GLIS3: variants seen among roughly 807,000 people sequenced by gnomAD.
GLIS3 encodes zinc finger protein GLIS3.
GLIS3 carries 53 observed loss-of-function variants against 78.6 expected under a neutral mutation model. The ratio of observed to expected loss-of-function variants is 0.67; its 90% CI spans 0.54 to 0.85. The LOEUF is 0.85. Ranked by LOEUF, GLIS3 falls within the 40% of genes least tolerant of loss-of-function variation. The pLI is 0.00. For missense variants in GLIS3, 1,703 were observed against 1,231.1 expected (o/e 1.38, Z -5.74); for synonymous variants, 684 against 509.9 (o/e 1.34, Z -4.60).
Position 3,827,463 on chromosome 9 carries a change from C to G in GLIS3, c.*809G>C, listed in dbSNP as rs911275620. ...CAGGACTGTTGGTGCGGGAGGTGCCCACTCCATTTCCCTCAGGTAACCTTT... is the reference window on the plus strand; with the variant it reads ...CAGGACTGTTGGTGCGGGAGGTGCCGACTCCATTTCCCTCAGGTAACCTTT... On this transcript the variant is annotated 3_prime_UTR_variant, in exon 11 of 11. Transcript: ENST00000381971. 1 of 152,340 alleles carries G rather than the reference C, an allele frequency of 6.6e-6. No homozygotes were observed. The highest frequency in any genetic ancestry group is 1.5e-5 in the Non-Finnish European group (1 of 68,190). The allele number at this position is 152,340 out of a possible 1,614,324, so 9.4% of individuals were successfully genotyped here. A position where few individuals can be genotyped will look rare whatever the true frequency, so the allele number is the denominator to read the frequency against.
chr9:4,448,072 T>C, the GLIS3 span, among the ~76,000 whole-genome samples: 13 of 152,184 alleles, frequency 8.5e-5, no homozygotes, highest in African/African-American at 2.9e-4. Flanking sequence ...TGTACTCTGA[T>C]AGAGCCCAGC....
chr9:4,174,473 A>T (rs1816648011), intron 2 of GLIS3, among the ~76,000 whole-genome samples: 1 of 152,258 alleles, frequency 6.6e-6, no homozygotes, highest in Non-Finnish European at 1.5e-5. Context: ...TACATAGGGT[A>T]CAAATACCAC....
rs530534757 is a variant in GLIS3, at chr9:3,933,302, A to G, written c.1873-832T>C. Among the ~76,000 whole-genome samples, 79 of 152,272 alleles carry G rather than the reference A, an allele frequency of 5.2e-4. 2 individuals carry two copies. Among genetic ancestry groups the G allele is most frequent in the African/African-American group, 1.8e-3 (76 of 41,546 alleles). On this transcript the variant is annotated intron_variant, in intron 5 of 10. Coordinates refer to ENST00000381971, the MANE Select transcript of GLIS3 (RefSeq NM_001042413.2). ...GTGATTCCCCTGCCTCAGCTTCCTG[A>G]GTAGCTGGGATTAAAGGTGTGTGCC... is the stretch of plus-strand genomic sequence containing the variant.
At chr9:3,894,759 A>G (rs886720364) in intron 7 of GLIS3, among the ~76,000 whole-genome samples, 2 of 151,958 alleles carry the variant, frequency 1.3e-5, no homozygotes, top group African/African-American at 2.4e-5. Flanking sequence ...TACATTCAAA[A>G]TTTGGATAAT....
At chr9:4,126,102 T>A (rs1485913817) in intron 2 of GLIS3, among the ~76,000 whole-genome samples, 161 bp from the exon 3 acceptor site, 1 of 152,166 alleles carries the variant, frequency 6.6e-6, no homozygotes, top group Non-Finnish European at 1.5e-5. Flanking sequence ...CCAATTCCAA[T>A]GACAAAGCCA....
the GLIS3 span, among the ~76,000 whole-genome samples, chr9:4,408,108 G>A: frequency 1.3e-5 from 2 of 152,062 alleles, no homozygotes; most frequent in East Asian, 1.9e-4. Context: ...TCCAAGTCAG[G>A]CAATAACAAA....
At chr9:4,420,811 A>G in the GLIS3 span, among the ~76,000 whole-genome samples, 1 of 152,198 alleles carries the variant, frequency 6.6e-6, no homozygotes, top group African/African-American at 2.4e-5. Flanking sequence ...TGCACCTTGC[A>G]ATTACAATAA....
At chr9:3,921,435 C>T (rs10974156) in intron 6 of GLIS3, among the ~76,000 whole-genome samples, 2,011 of 152,254 alleles carry the variant, frequency 0.013, 16 homozygotes, top group Non-Finnish European at 0.021. Flanking sequence ...AGCTAAGATT[C>T]AAACTCAGTC....
intron 4 of GLIS3, among the ~76,000 whole-genome samples, chr9:4,060,427 G>C (rs1196071373): frequency 1.3e-5 from 2 of 152,264 alleles, no homozygotes; most frequent in South Asian, 2.1e-4. Context: ...GTGGTGTTAT[G>C]ATTTAATATT....
intron 2 of GLIS3, among the ~76,000 whole-genome samples, chr9:4,330,832 C>T (rs1415439033): frequency 6.6e-6 from 1 of 152,096 alleles, no homozygotes; most frequent in Non-Finnish European, 1.5e-5. Context: ...CAGAATCATC[C>T]ACCACCAGCA....
the GLIS3 span, among the ~76,000 whole-genome samples, chr9:4,488,740 A>T: frequency 1.3e-5 from 2 of 151,600 alleles, no homozygotes; most frequent in Admixed American, 1.3e-4. Context: ...CTGGTCTCGA[A>T]CTCTTGACCT....
At chr9:4,110,246 G>C (rs1459167524) in intron 4 of GLIS3, among the ~76,000 whole-genome samples, 1 of 152,082 alleles carries the variant, frequency 6.6e-6, no homozygotes, top group Non-Finnish European at 1.5e-5. Context: ...ATTCCAGTGA[G>C]ACAAACTCAC....
chr9:4,475,806 T>G, the GLIS3 span, among the ~76,000 whole-genome samples: 1 of 152,226 alleles, frequency 6.6e-6, no homozygotes, highest in South Asian at 2.1e-4. Flanking sequence ...AACCAAACAC[T>G]AATAGATAAT....
At chr9:3,882,990 G>A (rs558181528) in intron 7 of GLIS3, among the ~76,000 whole-genome samples, 6 of 152,246 alleles carry the variant, frequency 3.9e-5, no homozygotes, top group South Asian at 4.1e-4. Context: ...CATTGTAGAC[G>A]TTGCTTGTGA....
At chr9:4,121,892 A>C (rs1196688542) in intron 3 of GLIS3, among the ~76,000 whole-genome samples, 1 of 152,228 alleles carries the variant, frequency 6.6e-6, no homozygotes, top group African/African-American at 2.4e-5. Context: ...GAATGGTTCC[A>C]AAGGATTCTG....
intron 2 of GLIS3, chr9:4,152,126 C>A: frequency 1.0e-6 from 1 of 983,760 alleles, no homozygotes; most frequent in Non-Finnish European, 1.2e-6. Context: ...CTATTAGTTG[C>A]CACTTCAGCA....
chr9:4,396,338 C>T, the GLIS3 span, among the ~76,000 whole-genome samples: 4 of 152,032 alleles, frequency 2.6e-5, no homozygotes, highest in African/African-American at 9.7e-5. Flanking sequence ...TCGAGTTGGC[C>T]AGGCTGATCT....
At chr9:4,072,395 T>C (rs991020725) in intron 4 of GLIS3, among the ~76,000 whole-genome samples, 6 of 152,300 alleles carry the variant, frequency 3.9e-5, no homozygotes, top group South Asian at 2.1e-4. Flanking sequence ...AATGTTCCCA[T>C]GTGGTGGGTG....
chr9:3,940,962 T>G (rs1440900915), intron 4 of GLIS3, among the ~76,000 whole-genome samples: 1 of 152,200 alleles, frequency 6.6e-6, no homozygotes, highest in African/African-American at 2.4e-5. Context: ...ATGGGGTCCC[T>G]AGACGAGCAA....
Sources: gnomAD v4.1 joint callset for allele counts (sites outside exome capture counted in the v4.1 genomes callset) on GRCh38, gnomAD v4.1.1 for gene constraint, MANE v1.5 for transcripts, NCBI Gene and HGNC (gene_info 2026-07-23, HGNC 2026-07-21) for gene names.